The following ROR2 variants were observed in gnomAD, a reference collection of about 807,000 sequenced individuals.
The protein encoded by ROR2 is tyrosine-protein kinase transmembrane receptor ROR2.
Under a neutral mutation model 74.9 loss-of-function variants are expected in ROR2, and 33 were observed. That is an observed-to-expected ratio of 0.44 (90% CI 0.33 to 0.59). ROR2 has a LOEUF of 0.59. Among genes scored for constraint, ROR2 ranks in the 20% least tolerant of loss-of-function variants. The probability of loss-of-function intolerance (pLI) is 0.02; values close to 1 mark genes in which losing one functional copy is unlikely to be tolerated. For synonymous variants in ROR2, 586 were observed against 558.7 expected, an observed-to-expected ratio of 1.05 and a Z score of -0.69; for missense variants, 1,216 against 1,313.8, an observed-to-expected ratio of 0.93 and a Z score of 1.15.
rs546480734 is a variant in ROR2 at position 91,767,864 on chromosome 9, G to A, written c.175+7877C>T. Among the ~76,000 whole-genome samples, 7 of 152,320 alleles carry A rather than the reference G, an allele frequency of 4.6e-5. No individual in the cohort carries two copies. In the East Asian group the frequency reaches 5.8e-4, roughly 13 times the overall value. On this transcript the variant is annotated intron_variant, in intron 2 of 8. Coordinates refer to ENST00000375708, the MANE Select transcript of ROR2 (RefSeq NM_004560.4). ...AACTGAGAGTATGGTGGGGTGACCCGTGTCCCCCAGCCACTCATGCTGAAG... is the reference window on the plus strand; with the variant it reads ...AACTGAGAGTATGGTGGGGTGACCCATGTCCCCCAGCCACTCATGCTGAAG...
intron 1 of ROR2, among the ~76,000 whole-genome samples, chr9:91,912,112 CACAAAA>C (rs1831007756): frequency 1.3e-5 from 2 of 151,826 alleles, no homozygotes; most frequent in Non-Finnish European, 2.9e-5. Flanking sequence ...TCCTGGATCA[CACAAAA>C]CAGACATTAG....
In ROR2 at chr9:91,950,182, G is replaced by T. The variant is rs538389360; in HGVS notation, c.-219C>A. Reference sequence around the variant, plus strand: ...CTGGCTGGGGAGGTTCCTTGGCGCGGGCTGGGGCGTCCCGCCGGCCGCCAG... The same window carrying T: ...CTGGCTGGGGAGGTTCCTTGGCGCGTGCTGGGGCGTCCCGCCGGCCGCCAG... On this transcript the variant is annotated 5_prime_UTR_variant, in exon 1 of 9. Coordinates refer to ENST00000375708, the MANE Select transcript of ROR2 (RefSeq NM_004560.4). The T allele has an allele frequency of 7.7e-5, 24 of 310,538 alleles. No homozygotes were observed. The highest frequency in any genetic ancestry group is 5.2e-4 in the African/African-American group (24 of 45,782). The allele number at this position is 310,538 out of a possible 1,614,324, so 19.2% of individuals were successfully genotyped here.
chr9:91,770,132 A>G (rs768909370), intron 2 of ROR2, among the ~76,000 whole-genome samples: 22 of 152,230 alleles, frequency 1.4e-4, no homozygotes, highest in Non-Finnish European at 2.9e-4. Flanking sequence ...TTATTAAGGA[A>G]TAACAGAGCA....
chr9:91,933,128 C>T (rs1047516580), intron 1 of ROR2, among the ~76,000 whole-genome samples: 7 of 151,970 alleles, frequency 4.6e-5, no homozygotes, highest in Non-Finnish European at 7.4e-5. Context: ...CTGACTAACA[C>T]GGTCAAACTC....
intron 1 of ROR2, among the ~76,000 whole-genome samples, chr9:91,817,104 C>T (rs1476544754): frequency 1.3e-5 from 2 of 152,178 alleles, no homozygotes; most frequent in Non-Finnish European, 2.9e-5. Flanking sequence ...GGCCTCTGAG[C>T]AGGCAGAGGG....
intron 1 of ROR2, among the ~76,000 whole-genome samples, chr9:91,906,043 T>C (rs939352463): frequency 6.7e-6 from 1 of 150,292 alleles, no homozygotes; most frequent in Non-Finnish European, 1.5e-5. Flanking sequence ...AGAGTAATAA[T>C]TGCTGAGCAG....
chr9:91,778,849 G>C (rs1466678003), intron 1 of ROR2, among the ~76,000 whole-genome samples: 1 of 152,176 alleles, frequency 6.6e-6, no homozygotes, highest in Non-Finnish European at 1.5e-5. Flanking sequence ...CCCTTGGGTA[G>C]ATGAGTAGGG....
chr9:91,753,056 A>C (rs1825638166), intron 4 of ROR2, among the ~76,000 whole-genome samples: 1 of 152,246 alleles, frequency 6.6e-6, no homozygotes, highest in Non-Finnish European at 1.5e-5. Context: ...CCTTGATAAG[A>C]AAATTCAATT....
intron 1 of ROR2, among the ~76,000 whole-genome samples, chr9:91,846,721 C>CTGCGGTGGTCCCTGAACCTCATT (rs1238029386): frequency 6.6e-6 from 1 of 152,120 alleles, no homozygotes; most frequent in Non-Finnish European, 1.5e-5. Flanking sequence ...TAAGCACCCT[C>CTGCGGTGGTCCCTGAACCTCATT]TGCGGTGGTC....
chr9:91,723,451 C>A lies in ROR2; in HGVS notation c.*211G>T. On this transcript the variant is annotated 3_prime_UTR_variant, in exon 9 of 9. Transcript: ENST00000375708. ...CTCCCCAGGACGCCGTGCTGCCAGA[C>A]CCCCTGCCTGGCTTGGGTGCTCCTA... is the stretch of plus-strand genomic sequence containing the variant. The A allele has an allele frequency of 5.8e-6, 4 of 687,272 alleles. No individual in the cohort carries two copies. Among genetic ancestry groups the A allele is most frequent in the South Asian group, 3.8e-5 (2 of 52,084 alleles). The allele number at this position is 687,272 out of a possible 1,614,324, so 42.6% of individuals were successfully genotyped here.
chr9:91,939,402 G>C (rs1004609487), intron 1 of ROR2, among the ~76,000 whole-genome samples: 1 of 152,216 alleles, frequency 6.6e-6, no homozygotes, highest in Admixed American at 6.5e-5. Context: ...ATGAGTCAAA[G>C]AGCTTGGGAT....
chr9:91,831,733 T>A lies in ROR2; in HGVS notation c.98-55915A>T, dbSNP rs147295602. On this transcript the variant is annotated intron_variant, in intron 1 of 8. Coordinates refer to ENST00000375708, the MANE Select transcript of ROR2 (RefSeq NM_004560.4). ...GGGAGGCTGAGGCAGGAGAATCGCT[T>A]GAACCCAGGAGGCGGAGCTTGCAGT... is the stretch of plus-strand genomic sequence containing the variant. 7.3e-3 allele frequency among the ~76,000 whole-genome samples: 1,116 copies of A among 152,186 alleles called. 12 individuals are homozygous for A. The highest frequency in any genetic ancestry group is 0.025 in the African/African-American group (1,042 of 41,534).
intron 1 of ROR2, among the ~76,000 whole-genome samples, chr9:91,933,198 C>A (rs1831595982): frequency 6.6e-6 from 1 of 152,116 alleles, no homozygotes; most frequent in Admixed American, 6.5e-5. Context: ...CGCCTGTGGT[C>A]CCAGCTACTC....
At chr9:91,818,712 A>C (rs1828029152) in intron 1 of ROR2, among the ~76,000 whole-genome samples, 1 of 152,190 alleles carries the variant, frequency 6.6e-6, no homozygotes, top group Non-Finnish European at 1.5e-5. Context: ...GAAAGAACAG[A>C]GTGGGCTCAG....
intron 1 of ROR2, among the ~76,000 whole-genome samples, chr9:91,830,583 G>A (rs1205211852): frequency 6.6e-6 from 1 of 152,198 alleles, no homozygotes; most frequent in Admixed American, 6.5e-5. Context: ...GCAGAAGCAG[G>A]AAAGTAGACT....
At chr9:91,749,330 A>AGGT (rs1825533462) in intron 4 of ROR2, among the ~76,000 whole-genome samples, 1 of 152,228 alleles carries the variant, frequency 6.6e-6, no homozygotes, top group Non-Finnish European at 1.5e-5. Context: ...TCCAACATCA[A>AGGT]GGTGCCAGCC....
chr9:91,906,983 A>C (rs1010851461), intron 1 of ROR2, among the ~76,000 whole-genome samples: 5 of 152,158 alleles, frequency 3.3e-5, no homozygotes, highest in Non-Finnish European at 5.9e-5. Context: ...GTGCAGGATC[A>C]CCACTCTCCA....
chr9:91,945,781 C>T (rs959947950), intron 1 of ROR2, among the ~76,000 whole-genome samples: 8 of 152,122 alleles, frequency 5.3e-5, no homozygotes, highest in Non-Finnish European at 7.4e-5. Context: ...GGCCACTCTA[C>T]GAATATGATT....
In ROR2 at chr9:91,724,622, G is replaced by A. The variant is rs780638428; in HGVS notation, c.1872C>T (p.Tyr624=). 1.7e-5 allele frequency: 28 copies of A among 1,614,068 alleles called. No individual in the cohort carries two copies. The highest frequency in any genetic ancestry group is 2.1e-5 in the Non-Finnish European group (25 of 1,180,046). Residue 624 remains tyrosine (Y), a synonymous_variant, in exon 9 of 9, where the codon TAC becomes TAT. Coordinates refer to ENST00000375708, the MANE Select transcript of ROR2 (RefSeq NM_004560.4). ...KDLATRNVLV[Y]DKLNVKISDL... is the part of the protein sequence containing the mutation. Reference sequence around the variant, plus strand: ...CTGAGATCTTCACGTTCAGCTTGTCGTACACTAGCACATTGCGGGTGGCCA... The same window carrying A: ...CTGAGATCTTCACGTTCAGCTTGTCATACACTAGCACATTGCGGGTGGCCA...
Sources: allele counts gnomAD v4.1 joint callset (sites outside exome capture counted in the v4.1 genomes callset), GRCh38; gene constraint gnomAD v4.1.1; transcripts MANE v1.5; gene names NCBI Gene and HGNC (gene_info 2026-07-23, HGNC 2026-07-21).